The following ROBO1 variants were observed in gnomAD, a reference collection of about 807,000 sequenced individuals.
The protein encoded by ROBO1 is roundabout guidance receptor 1.
ROBO1 carries 149 observed loss-of-function variants against 195.9 expected under a neutral mutation model. The ratio of observed to expected loss-of-function variants is 0.76; its 90% CI spans 0.67 to 0.87. ROBO1 has a LOEUF of 0.87. ROBO1 is among the 40% of genes least tolerant of loss of function. ROBO1 has a pLI of 0.00. For missense variants in ROBO1, 1,933 were observed against 2,068.3 expected (o/e 0.93, Z 1.27); for synonymous variants, 816 against 733.2 (o/e 1.11, Z -1.82).
chr3:79,581,244 T>C (rs1421530787), intron 2 of ROBO1, among the ~76,000 whole-genome samples: 2 of 152,120 alleles, frequency 1.3e-5, no homozygotes, highest in Non-Finnish European at 2.9e-5. Context: ...AGCGCCTCTT[T>C]CTATTAACCA....
At chr3:79,562,172 T>C (rs1469013616) in intron 2 of ROBO1, among the ~76,000 whole-genome samples, 1 of 152,134 alleles carries the variant, frequency 6.6e-6, no homozygotes. Flanking sequence ...CTATATAGTC[T>C]ATGAACTATG....
At chr3:79,514,083 A>C (rs1940839791) in intron 2 of ROBO1, among the ~76,000 whole-genome samples, 1 of 152,222 alleles carries the variant, frequency 6.6e-6, no homozygotes, top group South Asian at 2.1e-4. Context: ...GTTGGGGAGC[A>C]GCACGGCCAT....
At chr3:79,438,936 G>A (rs1422211560) in intron 2 of ROBO1, among the ~76,000 whole-genome samples, 1 of 152,014 alleles carries the variant, frequency 6.6e-6, no homozygotes, top group Non-Finnish European at 1.5e-5. Flanking sequence ...GAATAGGTAT[G>A]AAATCCTTCC....
intron 3 of ROBO1, among the ~76,000 whole-genome samples, chr3:79,048,560 A>G (rs1316313131): frequency 2.6e-5 from 4 of 152,108 alleles, no homozygotes; most frequent in Non-Finnish European, 5.9e-5. Context: ...ATATATAACC[A>G]TGTGCTGACT....
chr3:79,020,640 C>A (rs912982953), intron 3 of ROBO1, among the ~76,000 whole-genome samples: 9 of 152,066 alleles, frequency 5.9e-5, no homozygotes, highest in Admixed American at 2.0e-4. Flanking sequence ...TGCAGTGAGC[C>A]GAGATAACTT....
intron 2 of ROBO1, among the ~76,000 whole-genome samples, chr3:79,473,669 T>A (rs1487559902): frequency 1.3e-5 from 2 of 152,152 alleles, no homozygotes; most frequent in Admixed American, 6.6e-5. Flanking sequence ...AGCATTAACA[T>A]AATTTAATTC....
At chr3:79,692,914 A>T (rs1947336254) in intron 1 of ROBO1, among the ~76,000 whole-genome samples, 1 of 151,842 alleles carries the variant, frequency 6.6e-6, no homozygotes, top group South Asian at 2.1e-4. Flanking sequence ...GAATTCATTT[A>T]TGTTTCATAT....
At chr3:79,488,959 G>A (rs1490776195) in intron 2 of ROBO1, among the ~76,000 whole-genome samples, 1 of 151,986 alleles carries the variant, frequency 6.6e-6, no homozygotes, top group Non-Finnish European at 1.5e-5. Context: ...AGTCAGAACT[G>A]ATTCTCCCCT....
At chr3:79,161,300 G>A (rs546617606) in intron 2 of ROBO1, among the ~76,000 whole-genome samples, 4 of 152,194 alleles carry the variant, frequency 2.6e-5, no homozygotes, top group African/African-American at 9.6e-5. Flanking sequence ...ATATTTTTGA[G>A]TAAGAAAGAA....
At chr3:79,255,541 T>C (rs1452447202) in intron 2 of ROBO1, among the ~76,000 whole-genome samples, 3 of 152,080 alleles carry the variant, frequency 2.0e-5, no homozygotes, top group African/African-American at 7.2e-5. Context: ...TCTATTCGGA[T>C]TGTTGGTAAA....
chr3:78,960,795 C>A (rs868196325), intron 3 of ROBO1, among the ~76,000 whole-genome samples: 2,230 of 141,888 alleles, frequency 0.016, 30 homozygotes, highest in African/African-American at 0.024. Flanking sequence ...CACACACACA[C>A]ACACACACAC....
intron 1 of ROBO1, among the ~76,000 whole-genome samples, chr3:79,677,754 T>G (rs1946828544): frequency 1.3e-5 from 2 of 152,210 alleles, no homozygotes; most frequent in African/African-American, 2.4e-5. Flanking sequence ...TTCTACAACC[T>G]TAAAGATATC....
In ROBO1 at chr3:78,657,186, A is replaced by G. The variant is rs930179298; in HGVS notation, c.2526T>C (p.Leu842=). Residue 842 remains leucine, a synonymous_variant, in exon 18 of 31, where the codon CTT becomes CTC. Coordinates refer to ENST00000464233, the MANE Select transcript of ROBO1 (RefSeq NM_002941.4). ...GSTFSVVIPF[L]VPGIRYSVEV... ...CCACACTGTATCGGATTCCAGGAAC[A>G]AGAAAGGGAATGACCACGGAAAAGG... The G allele has an allele frequency of 5.0e-6, 8 of 1,613,448 alleles. No homozygotes were observed. Among genetic ancestry groups the G allele is most frequent in the Non-Finnish European group, 6.8e-6 (8 of 1,179,662 alleles).
At chr3:78,640,007 T>C (rs1208090884) in intron 21 of ROBO1, 109 bp from the exon 22 acceptor site, 7 of 882,826 alleles carry the variant, frequency 7.9e-6, no homozygotes, top group Non-Finnish European at 1.2e-5. Flanking sequence ...AATCATCTGA[T>C]GAACTATGCT....
chr3:79,405,076 A>G (rs2037495181), intron 2 of ROBO1, among the ~76,000 whole-genome samples: 1 of 152,148 alleles, frequency 6.6e-6, no homozygotes, highest in African/African-American at 2.4e-5. Flanking sequence ...ATAATTTACA[A>G]ATATTCATGA....
intron 1 of ROBO1, among the ~76,000 whole-genome samples, chr3:79,622,849 C>G (rs1458912598): frequency 6.6e-6 from 1 of 152,196 alleles, no homozygotes; most frequent in African/African-American, 2.4e-5. Context: ...GTTCCCTGTA[C>G]CACCCAACTG....
intron 2 of ROBO1, among the ~76,000 whole-genome samples, chr3:79,174,551 G>T (rs981476822): frequency 3.3e-5 from 5 of 152,074 alleles, no homozygotes; most frequent in African/African-American, 9.7e-5. Context: ...AAATAGCTTA[G>T]AATTTTACTT....
At chr3:78,659,541 G>T (rs761231291) in intron 17 of ROBO1, 145 bp downstream of exon 17, 1 of 551,302 alleles carries the variant, frequency 1.8e-6, no homozygotes, top group Non-Finnish European at 2.8e-6. Context: ...AAACAAGAAA[G>T]CGTTTTAAAA....
intron 1 of ROBO1, among the ~76,000 whole-genome samples, chr3:79,619,854 G>T (rs906588983): frequency 1.3e-5 from 2 of 152,062 alleles, no homozygotes; most frequent in East Asian, 3.9e-4. Context: ...TAAGAAAAAG[G>T]TCCAAAAATT....
Sources: allele counts gnomAD v4.1 joint callset (sites outside exome capture counted in the v4.1 genomes callset), GRCh38; gene constraint gnomAD v4.1.1; transcripts MANE v1.5; gene names NCBI Gene and HGNC (gene_info 2026-07-23, HGNC 2026-07-21).